The following TDRD9 variants were observed in gnomAD, a reference collection of about 807,000 sequenced individuals.
TDRD9 encodes tudor domain containing 9.
TDRD9 carries 124 observed loss-of-function variants against 172.6 expected under a neutral mutation model. The ratio of observed to expected loss-of-function variants is 0.72; its 90% CI spans 0.62 to 0.83. The LOEUF (loss-of-function observed/expected upper bound fraction) is 0.83. TDRD9 is among the 40% of genes least tolerant of loss of function. The pLI is 0.00. For synonymous variants in TDRD9, 619 were observed against 617.1 expected (o/e 1.00, Z -0.05); for missense variants, 1,479 against 1,714.1 (o/e 0.86, Z 2.42).
Position 104,031,206 on chromosome 14 carries a change from C to T in TDRD9, c.3381C>T (p.Leu1127=), listed in dbSNP as rs10135507. 522,864 of 1,550,462 alleles carry T rather than the reference C, an allele frequency of 0.34. 89,001 individuals are homozygous for T. The highest frequency in any genetic ancestry group is 0.37 in the Middle Eastern group (2,208 of 5,990). ...PFPMKDDEKY[L]IRILLESFST... ...CCATGAAAGACGACGAGAAATATCT[C>T]ATCCGGATTTTGTTAGAGAGCTTTT... The change falls in exon 29 of 36, where the codon CTC becomes CTT. Residue 1127 remains leucine (L), a synonymous_variant. Coordinates refer to ENST00000409874, the MANE Select transcript of TDRD9 (RefSeq NM_153046.3).
Position 103,962,987 on chromosome 14 carries a change from T to TGC in TDRD9, c.323-91_323-90insCG. ...TTGAGTGTGTGTGTGTGTGTGTGTGTGTGTGTATGCTGTATCTATAGATTA... is the reference window on the plus strand; with the variant it reads ...TTGAGTGTGTGTGTGTGTGTGTGTGTGCGTGTGTATGCTGTATCTATAGATTA... On this transcript the variant is annotated intron_variant, in intron 2 of 35. Coordinates refer to ENST00000409874, the MANE Select transcript of TDRD9 (RefSeq NM_153046.3). The TGC allele has an allele frequency of 4.5e-6, 3 of 665,852 alleles. No homozygotes were observed. The East Asian group carries it at 8.6e-5, about 19-fold the overall frequency. The allele number at this position is 665,852 out of a possible 1,614,324, so 41.2% of individuals were successfully genotyped here. A position where few individuals can be genotyped will look rare whatever the true frequency, so the allele number is the denominator to read the frequency against.
At chr14:103,957,575 T>C (rs960591091) in intron 2 of TDRD9, among the ~76,000 whole-genome samples, 2 of 152,240 alleles carry the variant, frequency 1.3e-5, no homozygotes, top group African/African-American at 4.8e-5. Context: ...TATATGCCAG[T>C]GAACAGAGGA....
At chr14:103,941,135 T>G in intron 1 of TDRD9, 1 of 1,490,230 alleles carries the variant, frequency 6.7e-7, no homozygotes, top group Non-Finnish European at 9.0e-7. Context: ...ATATTCAGTT[T>G]AGAACATTTT....
intron 1 of TDRD9, among the ~76,000 whole-genome samples, chr14:103,955,252 G>A (rs1281422444): frequency 6.6e-6 from 1 of 152,140 alleles, no homozygotes; most frequent in Non-Finnish European, 1.5e-5. Flanking sequence ...GCTGATTTCA[G>A]CTACTCAGGA....
intron 1 of TDRD9, among the ~76,000 whole-genome samples, chr14:103,938,404 GTGTGTGTGTGTATATA>G (rs1413475581): frequency 1.1e-4 from 7 of 61,136 alleles, no homozygotes; most frequent in East Asian, 4.8e-4. Flanking sequence ...GTGTGTGTGT[GTGTGTGTGTGTATATA>G]TATATATATA....
chr14:104,031,119 A>C lies in TDRD9; in HGVS notation c.3294A>C (p.Glu1098Asp). 1 of 1,549,518 alleles carries C rather than the reference A, an allele frequency of 6.5e-7. No individual in the cohort carries two copies. Among genetic ancestry groups the C allele is most frequent in the African/African-American group, 1.4e-5 (1 of 73,024 alleles). ...TCTTGTTTGTTCAGCAAAGCCATGA[A>C]GTTCTCAAGGGCCTCTTTTCCAAGT... ...EESYESKQSH[E>D]VLKGLFSKSV... Residue 1098 changes from glutamate to aspartate, a missense_variant, in exon 29 of 36, where the codon GAA (glutamate) becomes GAC (aspartate). Coordinates refer to ENST00000409874, the MANE Select transcript of TDRD9 (RefSeq NM_153046.3).
intron 1 of TDRD9, among the ~76,000 whole-genome samples, chr14:103,936,542 CAG>C (rs1229307569): frequency 6.6e-6 from 1 of 152,176 alleles, no homozygotes; most frequent in African/African-American, 2.4e-5. Context: ...AGGAGTGTAT[CAG>C]AGTGTGTATA....
At chr14:103,952,190 G>GTGTGTGTATATA (rs1366094210) in intron 1 of TDRD9, among the ~76,000 whole-genome samples, 8 of 55,530 alleles carry the variant, frequency 1.4e-4, no homozygotes, top group Admixed American at 7.1e-4. Flanking sequence ...GCGTGTGTGT[G>GTGTGTGTATATA]TATATATATA....
chr14:104,027,588 T>C (rs1321995530), intron 28 of TDRD9, among the ~76,000 whole-genome samples: 1 of 152,348 alleles, frequency 6.6e-6, no homozygotes, highest in Admixed American at 6.5e-5. Context: ...CACATAATCA[T>C]TGTACATATT....
In TDRD9 at chr14:104,052,244, C is replaced by CA; in HGVS notation, c.*163dup. The CA allele has an allele frequency of 2.1e-6, 1 of 481,896 alleles. No individual in the cohort carries two copies. The highest frequency in any genetic ancestry group is 3.7e-6 in the Non-Finnish European group (1 of 268,894). 29.9% of individuals were successfully genotyped at this position (481,896 alleles called of 1,614,324 possible). ...TCTTCTTTTCTCTTTGGGTGATAGT[C>CA]AGAGAGTGGTGTTTTTGTTCAGGTG... is the stretch of plus-strand genomic sequence containing the variant. On this transcript the variant is annotated 3_prime_UTR_variant, in exon 36 of 36. Coordinates refer to ENST00000409874, the MANE Select transcript of TDRD9 (RefSeq NM_153046.3).
At chr14:103,971,512 C>G (rs1027102784) in intron 6 of TDRD9, among the ~76,000 whole-genome samples, 1 of 151,860 alleles carries the variant, frequency 6.6e-6, no homozygotes, top group Admixed American at 6.6e-5. Context: ...GGTTTTGCAC[C>G]AGGCTGGTCT....
chr14:103,931,602 T>G (rs1463180264), intron 1 of TDRD9, among the ~76,000 whole-genome samples: 1 of 152,104 alleles, frequency 6.6e-6, no homozygotes, highest in African/African-American at 2.4e-5. Context: ...AAGCAATAGG[T>G]TTTGGTGGTA....
intron 6 of TDRD9, among the ~76,000 whole-genome samples, chr14:103,971,645 G>A (rs1284974790): frequency 6.6e-6 from 1 of 152,104 alleles, no homozygotes; most frequent in African/African-American, 2.4e-5. Flanking sequence ...AACTGATGAC[G>A]CTTAAAATTC....
intron 9 of TDRD9, among the ~76,000 whole-genome samples, chr14:103,992,521 A>G (rs1313630678): frequency 6.6e-6 from 1 of 152,200 alleles, no homozygotes; most frequent in African/African-American, 2.4e-5. Context: ...TTAAGGGGAA[A>G]ACATCACCCA....
intron 34 of TDRD9, 32 bp downstream of exon 34, chr14:104,042,219 T>C (rs1798609845): frequency 6.9e-7 from 1 of 1,454,360 alleles, no homozygotes; most frequent in African/African-American, 1.4e-5. Context: ...GCTTCTTTTC[T>C]TCCCAGTCAA....
chr14:103,986,278 C>T lies in TDRD9; in HGVS notation c.1073C>T (p.Ser358Phe). Residue 358 changes from serine (S) to phenylalanine (F), a missense_variant, in exon 8 of 36, where the codon TCT (serine) becomes TTT (phenylalanine). Transcript: ENST00000409874. ...ITKDIYEVAV[S>F]LIQMFDDLDM... ...AAGGATATATATGAAGTTGCTGTCT[C>T]TCTCATTCAGATGTTTGATGACTTG... 6.2e-7 allele frequency: 1 copy of T among 1,613,430 alleles called. No individual in the cohort carries two copies. Among genetic ancestry groups the T allele is most frequent in the Non-Finnish European group, 8.5e-7 (1 of 1,179,586 alleles).
intron 1 of TDRD9, among the ~76,000 whole-genome samples, chr14:103,951,328 T>C (rs2031859948): frequency 6.6e-6 from 1 of 152,244 alleles, no homozygotes; most frequent in African/African-American, 2.4e-5. Context: ...TTAAACTTAC[T>C]GTTGTTAGAT....
At chr14:103,941,220 T>C (rs1423937332) in intron 1 of TDRD9, 1 of 1,008,782 alleles carries the variant, frequency 9.9e-7, no homozygotes, top group Admixed American at 2.9e-5. Context: ...GTATTTTGCA[T>C]GTTGTTTTAA....
Position 103,941,367 on chromosome 14 carries a change from A to G in TDRD9, c.215+12643A>G, listed in dbSNP as rs192691265. 6.2e-5 allele frequency: 92 copies of G among 1,476,558 alleles called. No individual in the cohort carries two copies. In the African/African-American group the frequency reaches 1.1e-3, roughly 18 times the overall value. 91.5% of individuals were successfully genotyped at this position (1,476,558 alleles called of 1,614,324 possible). On this transcript the variant is annotated intron_variant, in intron 1 of 35. Transcript: ENST00000409874. ...TGAGGAACTTGGACTTAGCAGTAGC[A>G]GGAATCATAAGAGAACATAGTATTT...
Sources: allele counts gnomAD v4.1 joint callset (sites outside exome capture counted in the v4.1 genomes callset), GRCh38; gene constraint gnomAD v4.1.1; transcripts MANE v1.5; gene names NCBI Gene and HGNC (gene_info 2026-07-23, HGNC 2026-07-21).